ZNF839: variants seen among roughly 807,000 people sequenced by gnomAD.
ZNF839 encodes zinc finger protein 839, also known as renal carcinoma antigen NY-REN-50.
A neutral mutation model predicts 56.4 loss-of-function variants in ZNF839; 38 were observed. That is an observed-to-expected ratio of 0.67 (90% CI 0.52 to 0.88). The LOEUF is 0.88. Ranked by LOEUF, ZNF839 falls within the 40% of genes least tolerant of loss-of-function variation. ZNF839 has a pLI of 0.00. For missense variants in ZNF839, 1,091 were observed against 1,177.6 expected (o/e 0.93, Z 1.08); for synonymous variants, 486 against 493.5 (o/e 0.98, Z 0.20).
At chr14:102,323,724 T>G (rs889449108) in intron 1 of ZNF839, among the ~76,000 whole-genome samples, 2 of 152,200 alleles carry the variant, frequency 1.3e-5, no homozygotes, top group Non-Finnish European at 2.9e-5. Context: ...TTGAAGATAC[T>G]CAGCCCTACG....
chr14:102,338,907 A>C lies in ZNF839; in HGVS notation c.1751A>C (p.Asp584Ala). ...CCCAAGCACCTCAGCCGAGACATGG[A>C]TGGGGAGCAGCTAGAGGGAGCTAGC... ...LGPKHLSRDM[D>A]GEQLEGASSE... The change falls in exon 6 of 8, where the codon GAT (aspartate) becomes GCT (alanine). Residue 584 changes from aspartate to alanine, a missense_variant. Physicochemically the swap from Asp to Ala is moderately radical, Grantham distance 126. Coordinates refer to ENST00000442396, the MANE Select transcript of ZNF839 (RefSeq NM_018335.6). 1.2e-6 allele frequency: 2 copies of C among 1,613,952 alleles called. No individual in the cohort carries two copies. Among genetic ancestry groups the C allele is most frequent in the African/African-American group, 2.7e-5 (2 of 75,022 alleles).
intron 2 of ZNF839, among the ~76,000 whole-genome samples, chr14:102,328,374 AAATATATATATATATATATATAT>A (rs1454198573): frequency 1.4e-4 from 5 of 34,606 alleles, no homozygotes; most frequent in African/African-American, 1.5e-4. Flanking sequence ...AAAAAAAAAA[AAATATATATATATATATATATAT>A]ATATATATAT....
upstream of ZNF839, among the ~76,000 whole-genome samples, chr14:102,318,724 G>C (rs184525569): frequency 2.8e-4 from 43 of 152,270 alleles, 1 homozygote; most frequent in African/African-American, 9.4e-4. Flanking sequence ...TGCAATGTGA[G>C]TATTGATGAG....
chr14:102,319,807 TGGC>T lies in ZNF839; in HGVS notation c.58_60del (p.Gly20del), dbSNP rs776087528. 511 of 1,222,508 alleles carry T rather than the reference TGGC, an allele frequency of 4.2e-4. No homozygotes were observed. The highest frequency in any genetic ancestry group is 5.6e-4 in the Admixed American group (13 of 23,250). The allele number at this position is 1,222,508 out of a possible 1,614,324, so 75.7% of individuals were successfully genotyped here. The stretch of plus-strand genomic sequence containing the variant: ...CGGAGGCTGGGGGCGGCAGCGAGGA[TGGC>T]GGCGGCGGCGGCGGCCCGGCTCCTC... On this transcript the variant is annotated inframe_deletion, in exon 1 of 8. Transcript: ENST00000442396. This position sits in a 1 kb window ranked among gnomAD's most constrained non-coding sequence, Gnocchi z 4.5.
chr14:102,320,871 G>A (rs1429064378), intron 1 of ZNF839, among the ~76,000 whole-genome samples: 1 of 152,138 alleles, frequency 6.6e-6, no homozygotes, highest in East Asian at 1.9e-4. Context: ...GGGCCTACAC[G>A]GCATCTGTAA....
chr14:102,318,625 C>T (rs564757499), upstream of ZNF839, among the ~76,000 whole-genome samples: 5 of 142,860 alleles, frequency 3.5e-5, no homozygotes, highest in South Asian at 8.7e-4. Context: ...AGAGTGAGAT[C>T]TTGTCTCAAA....
Position 102,326,415 on chromosome 14 carries a change from T to C in ZNF839, c.719T>C (p.Leu240Pro). Residue 240 changes from leucine (L) to proline (P), a missense_variant, in exon 2 of 8, where the codon CTA becomes CCA. Leu to Pro is a moderately conservative substitution (Grantham distance 98, BLOSUM62 -3). Around this residue, in one of 3 missense-constraint regions of ZNF839, gnomAD observed 614 missense variants for 629.2 expected, o/e 0.98. Coordinates refer to ENST00000442396, the MANE Select transcript of ZNF839 (RefSeq NM_018335.6). This position sits in a 1 kb window ranked among gnomAD's most constrained non-coding sequence, Gnocchi z 4.3. ...SNLHTRHTEKLKKSLKVKTRS... is the reference protein window; with the variant it reads ...SNLHTRHTEKPKKSLKVKTRS... ...TTGCATACAAGACATACTGAGAAAC[T>C]AAAAAAATCGTTAAAAGTAAAGACA... 1 of 1,613,578 alleles carries C rather than the reference T, an allele frequency of 6.2e-7. No individual in the cohort carries two copies. Among genetic ancestry groups the C allele is most frequent in the Non-Finnish European group, 8.5e-7 (1 of 1,179,758 alleles).
chr14:102,333,408 C>T (rs551924389), intron 3 of ZNF839, among the ~76,000 whole-genome samples: 79 of 151,862 alleles, frequency 5.2e-4, no homozygotes, highest in Non-Finnish European at 1.0e-3. Context: ...ACAGCACAGG[C>T]GCACACCCCC....
chr14:102,334,662 G>A lies in ZNF839; in HGVS notation c.1509+16G>A. Reference sequence around the variant, plus strand: ...TCTGATGAAGGTGAGTACTCTTAGTGTTTCTAAATGATAGCGGGATGATTA... The same window carrying A: ...TCTGATGAAGGTGAGTACTCTTAGTATTTCTAAATGATAGCGGGATGATTA... On this transcript the variant is annotated intron_variant, in intron 4 of 7. Transcript: ENST00000442396. 1.3e-6 allele frequency: 2 copies of A among 1,502,822 alleles called. No homozygotes were observed. The highest frequency in any genetic ancestry group is 2.3e-5 in the East Asian group (1 of 44,220). 93.1% of individuals were successfully genotyped at this position (1,502,822 alleles called of 1,614,324 possible). A position where few individuals can be genotyped will look rare whatever the true frequency, so the allele number is the denominator to read the frequency against.
intron 2 of ZNF839, among the ~76,000 whole-genome samples, chr14:102,329,275 T>C (rs1402381162): frequency 2.0e-5 from 3 of 152,226 alleles, no homozygotes; most frequent in African/African-American, 7.2e-5. Context: ...GCCCAATTTC[T>C]TTGGGTATAT....
rs1157668077 is a variant in ZNF839, at chr14:102,326,782, A to C, written c.1086A>C (p.Glu362Asp). ...SGSTLRGCTEERTLSLTSLGL... is the reference protein window; with the variant it reads ...SGSTLRGCTEDRTLSLTSLGL... Reference sequence around the variant, plus strand: ...GCACCCTCCGGGGGTGCACGGAGGAAAGGACGCTCAGCCTGACCTCCCTGG... The same window carrying C: ...GCACCCTCCGGGGGTGCACGGAGGACAGGACGCTCAGCCTGACCTCCCTGG... Residue 362 changes from glutamate (E) to aspartate (D), a missense_variant, in exon 2 of 8, where the codon GAA becomes GAC. Physicochemically the swap from Glu to Asp is conservative, Grantham distance 45 (BLOSUM62 2). Coordinates refer to ENST00000442396, the MANE Select transcript of ZNF839 (RefSeq NM_018335.6). The surrounding 1 kb of genome is among the most constrained non-coding windows in gnomAD (Gnocchi z 4.3). The C allele has an allele frequency of 6.2e-7, 1 of 1,612,488 alleles. No individual in the cohort carries two copies. Among genetic ancestry groups the C allele is most frequent in the Non-Finnish European group, 8.5e-7 (1 of 1,179,404 alleles).
Position 102,341,417 on chromosome 14 carries a change from G to A in ZNF839, c.2022G>A (p.Ala674=), listed in dbSNP as rs374840960. The A allele has an allele frequency of 2.5e-6, 4 of 1,586,180 alleles. No individual in the cohort carries two copies. The highest frequency in any genetic ancestry group is 1.4e-5 in the African/African-American group (1 of 73,910). Residue 674 remains alanine, a synonymous_variant, in exon 8 of 8, where the codon GCG becomes GCA. Coordinates refer to ENST00000442396, the MANE Select transcript of ZNF839 (RefSeq NM_018335.6). The part of the protein sequence containing the change: ...VSGGNGSVFQ[A]GPQLQALANL... ...GTGGCAATGGGAGCGTGTTCCAGGC[G>A]GGCCCGCAGCTTCAGGCACTGGCTA...
rs756024755 is a variant in ZNF839, at chr14:102,331,854, A to G, written c.1416+8A>G. ...AAAGCCAGGCTCAAGGAGGTACCTC[A>G]CTCTTAAACCCTGTGCTTGAAACCC... On this transcript the variant is annotated splice_region_variant and intron_variant, in intron 3 of 7. Transcript: ENST00000442396. 1.3e-6 allele frequency: 2 copies of G among 1,548,020 alleles called. No homozygotes were observed. Among genetic ancestry groups the G allele is most frequent in the Non-Finnish European group, 1.7e-6 (2 of 1,151,576 alleles).
chr14:102,320,317 C>T (rs1019089027), intron 1 of ZNF839, among the ~76,000 whole-genome samples: 2 of 152,232 alleles, frequency 1.3e-5, no homozygotes, highest in Non-Finnish European at 2.9e-5. Context: ...CTTCACAGCC[C>T]TGCTGGGGGC....
Position 102,326,285 on chromosome 14 carries a change from A to G in ZNF839, c.589A>G (p.Lys197Glu), listed in dbSNP as rs1213121028. The part of the protein sequence containing the change: ...VVPAKRVPAP[K>E]APDEQGSMLT... Reference sequence around the variant, plus strand: ...CCCTGCAAAGAGAGTCCCAGCCCCCAAGGCTCCAGATGAACAGGGCTCCAT... The same window carrying G: ...CCCTGCAAAGAGAGTCCCAGCCCCCGAGGCTCCAGATGAACAGGGCTCCAT... The change falls in exon 2 of 8, where the codon AAG (lysine) becomes GAG (glutamate). Residue 197 changes from lysine (K) to glutamate (E), a missense_variant. This residue lies in a region of ZNF839 where 614 missense variants were observed against 629.2 expected (regional missense o/e 0.98). Transcript: ENST00000442396. The surrounding 1 kb of genome is among the most constrained non-coding windows in gnomAD (Gnocchi z 4.3). The G allele has an allele frequency of 6.2e-7, 1 of 1,613,552 alleles. No homozygotes were observed. The highest frequency in any genetic ancestry group is 8.5e-7 in the Non-Finnish European group (1 of 1,179,704).
At chr14:102,329,604 C>G (rs1412848606) in intron 2 of ZNF839, among the ~76,000 whole-genome samples, 1 of 151,556 alleles carries the variant, frequency 6.6e-6, no homozygotes, top group East Asian at 1.9e-4. Flanking sequence ...AGGCTGGTGT[C>G]CAATTTCTGG....
At chr14:102,329,853 G>A (rs575183166) in intron 2 of ZNF839, among the ~76,000 whole-genome samples, 1 of 147,356 alleles carries the variant, frequency 6.8e-6, no homozygotes, top group East Asian at 2.0e-4. Context: ...GAGTGTAATG[G>A]CGTAATATCA....
chr14:102,341,980 G>A lies in ZNF839; in HGVS notation c.2585G>A (p.Ser862Asn). 1 of 1,614,038 alleles carries A rather than the reference G, an allele frequency of 6.2e-7. No homozygotes were observed. The highest frequency in any genetic ancestry group is 1.6e-4 in the Middle Eastern group (1 of 6,062). ...EVHSGQRELE[S>N]VVAVGEAMAF... is the part of the protein sequence containing the mutation. The stretch of plus-strand genomic sequence containing the variant: ...CACTCTGGCCAGAGAGAACTGGAGA[G>A]CGTGGTTGCTGTCGGCGAAGCCATG... Residue 862 changes from serine to asparagine, a missense_variant, in exon 8 of 8, where the codon AGC (serine) becomes AAC (asparagine). By Grantham distance (46) the Ser-to-Asn change is conservative. This residue lies in a region of ZNF839 where 431 missense variants were observed against 468.0 expected (regional missense o/e 0.92). Coordinates refer to ENST00000442396, the MANE Select transcript of ZNF839 (RefSeq NM_018335.6).
chr14:102,325,401 G>C (rs1311095476), intron 1 of ZNF839, among the ~76,000 whole-genome samples: 4 of 151,932 alleles, frequency 2.6e-5, no homozygotes, highest in African/African-American at 9.7e-5. Context: ...TATAGGGATG[G>C]TAAGTAGTTC....
Sources: allele counts gnomAD v4.1 joint callset (sites outside exome capture counted in the v4.1 genomes callset), GRCh38; gene constraint gnomAD v4.1.1; regional missense constraint gnomAD v4.1.1; non-coding constraint Gnocchi (gnomAD v3.1); transcripts MANE v1.5; gene names NCBI Gene and HGNC (gene_info 2026-07-23, HGNC 2026-07-21).